The following DLGAP2 variants were observed in gnomAD, a reference collection of about 807,000 sequenced individuals.
DLGAP2 encodes the protein DLG associated protein 2.
DLGAP2 carries 26 observed loss-of-function variants against 100.3 expected under a neutral mutation model. That is an observed-to-expected ratio of 0.26 (90% CI 0.19 to 0.36). DLGAP2 has a LOEUF of 0.36. Among genes scored for constraint, DLGAP2 ranks in the 10% least tolerant of loss-of-function variants. The pLI, the probability that DLGAP2 is intolerant of heterozygous loss-of-function variation, is 1.00. For missense variants in DLGAP2, 1,858 were observed against 1,453.2 expected (o/e 1.28, Z -4.53); for synonymous variants, 886 against 630.1 (o/e 1.41, Z -6.08).
chr8:1,060,298 CAAGG>C (rs1394767680), intron 2 of DLGAP2, among the ~76,000 whole-genome samples: 64 of 151,126 alleles, frequency 4.2e-4, no homozygotes, highest in Admixed American at 2.7e-3. Context: ...GATCCCCTCC[CAAGG>C]CGGGCTCCCT....
Position 912,722 on chromosome 8 carries a change from T to C in DLGAP2, c.73+4756T>C, listed in dbSNP as rs763035953. 6.9e-4 allele frequency among the ~76,000 whole-genome samples: 104 copies of C among 150,998 alleles called. 1 individual carries two copies. Among genetic ancestry groups the C allele is most frequent in the Admixed American group, 2.9e-3 (44 of 15,192 alleles). The stretch of plus-strand genomic sequence containing the variant: ...GTGCCCGCCTTCCTCTCTGTGGAGC[T>C]GACCCCTGCGCTATGGTGCCCACGT... On this transcript the variant is annotated intron_variant, in intron 2 of 14. Transcript: ENST00000637795.
intron 3 of DLGAP2, among the ~76,000 whole-genome samples, chr8:1,347,704 A>G (rs912013581): frequency 6.7e-6 from 1 of 150,308 alleles, no homozygotes; most frequent in African/African-American, 2.5e-5. Flanking sequence ...CTGAGTTCCT[A>G]TACAGAGCTG....
chr8:1,681,750 T>G lies in DLGAP2; in HGVS notation c.2704+3121T>G, dbSNP rs576120332. Among the ~76,000 whole-genome samples, 136 of 152,338 alleles carry G rather than the reference T, an allele frequency of 8.9e-4. 2 individuals carry two copies. The highest frequency in any genetic ancestry group is 8.7e-3 in the South Asian group (42 of 4,826). On this transcript the variant is annotated intron_variant, in intron 12 of 14. Coordinates refer to ENST00000637795, the MANE Select transcript of DLGAP2 (RefSeq NM_001346810.2). ...CAGACCTCATTAATGCTCATCCCAA[T>G]GGACTAGGTGAGTAGTATTGTAAGC...
intron 2 of DLGAP2, among the ~76,000 whole-genome samples, chr8:1,122,959 A>G (rs906407764): frequency 6.6e-6 from 1 of 152,238 alleles, no homozygotes; most frequent in African/African-American, 2.4e-5. Context: ...GCTTTGGCTT[A>G]GGTCCGCCAG....
chr8:1,112,126 T>C (rs986169420), intron 2 of DLGAP2, among the ~76,000 whole-genome samples: 4 of 152,294 alleles, frequency 2.6e-5, no homozygotes, highest in South Asian at 4.1e-4. Context: ...TGATATCTCA[T>C]TGGGGTTTTG....
intron 8 of DLGAP2, among the ~76,000 whole-genome samples, chr8:1,653,591 C>T (rs1798216167): frequency 6.6e-6 from 1 of 152,214 alleles, no homozygotes; most frequent in African/African-American, 2.4e-5. Context: ...TCTGATGGGT[C>T]CGTCTCTCAG....
At chr8:951,558 G>A (rs1236391195) in intron 2 of DLGAP2, among the ~76,000 whole-genome samples, 1 of 152,218 alleles carries the variant, frequency 6.6e-6, no homozygotes, top group Non-Finnish European at 1.5e-5. Flanking sequence ...GCTGATAAAT[G>A]TATTTTAAAA....
chr8:1,370,698 C>T (rs371657675), intron 3 of DLGAP2, among the ~76,000 whole-genome samples: 2 of 152,200 alleles, frequency 1.3e-5, no homozygotes, highest in Admixed American at 6.5e-5. Flanking sequence ...CCCAGACAAC[C>T]GCTCCACTCT....
chr8:1,581,964 A>C (rs570760257), intron 6 of DLGAP2, among the ~76,000 whole-genome samples: 2 of 151,310 alleles, frequency 1.3e-5, no homozygotes, highest in South Asian at 4.2e-4. Flanking sequence ...GGATACAGAC[A>C]ATCCCCACAC....
intron 2 of DLGAP2, among the ~76,000 whole-genome samples, chr8:1,029,186 C>T (rs1801902627): frequency 6.6e-6 from 1 of 152,130 alleles, no homozygotes. Context: ...AGCGGGAGGG[C>T]TCTGTAGAAA....
chr8:1,093,460 A>G (rs932526302), intron 2 of DLGAP2, among the ~76,000 whole-genome samples: 1 of 147,448 alleles, frequency 6.8e-6, no homozygotes, highest in African/African-American at 2.5e-5. Flanking sequence ...CTTTCACACC[A>G]ACAGCCAGAC....
chr8:918,424 G>A (rs980197958), intron 2 of DLGAP2, among the ~76,000 whole-genome samples: 4 of 152,172 alleles, frequency 2.6e-5, no homozygotes, highest in African/African-American at 4.8e-5. Context: ...AACCATGCAC[G>A]TTTAGTTCTA....
At chr8:1,457,701 T>G (rs1798353377) in intron 3 of DLGAP2, among the ~76,000 whole-genome samples, 1 of 152,006 alleles carries the variant, frequency 6.6e-6, no homozygotes, top group Non-Finnish European at 1.5e-5. Context: ...ATGCAAAGCA[T>G]AACTTCCTTC....
chr8:1,680,980 A>C (rs981829800), intron 12 of DLGAP2: 1 of 152,188 alleles, frequency 6.6e-6, no homozygotes, highest in Non-Finnish European at 1.5e-5. Context: ...ATGTCACTCA[A>C]TCAAGCTGTG....
At chr8:903,210 T>C (rs1188501546) in intron 1 of DLGAP2, among the ~76,000 whole-genome samples, 3 of 151,864 alleles carry the variant, frequency 2.0e-5, no homozygotes, top group South Asian at 2.1e-4. Context: ...CACAGGTTGG[T>C]TGGGGCCAAA....
At chr8:1,205,020 C>T (rs540839374) in intron 2 of DLGAP2, among the ~76,000 whole-genome samples, 386 of 152,128 alleles carry the variant, frequency 2.5e-3, no homozygotes, top group Non-Finnish European at 4.0e-3. Flanking sequence ...TAAACGGAGC[C>T]GTAATTGCAG....
intron 1 of DLGAP2, among the ~76,000 whole-genome samples, chr8:756,838 C>G (rs1563414236): frequency 6.6e-6 from 1 of 152,170 alleles, no homozygotes; most frequent in Non-Finnish European, 1.5e-5. Flanking sequence ...ATCCTACACA[C>G]AGCTGCCGGG....
chr8:890,158 A>G (rs1030714605), intron 1 of DLGAP2, among the ~76,000 whole-genome samples: 1 of 151,830 alleles, frequency 6.6e-6, no homozygotes, highest in Non-Finnish European at 1.5e-5. Context: ...TTTTTTTCCG[A>G]TGGGAGCCTC....
chr8:1,096,904 C>T (rs1312785262), intron 2 of DLGAP2, among the ~76,000 whole-genome samples: 1 of 143,790 alleles, frequency 7.0e-6, no homozygotes, highest in Non-Finnish European at 1.5e-5. Context: ...TGAGACCCAC[C>T]TCCCTGCGCT....
Sources: allele counts gnomAD v4.1 joint callset (sites outside exome capture counted in the v4.1 genomes callset), GRCh38; gene constraint gnomAD v4.1.1; transcripts MANE v1.5; gene names NCBI Gene and HGNC (gene_info 2026-07-23, HGNC 2026-07-21).